The following FMNL3 variants were observed in gnomAD, a reference collection of about 807,000 sequenced individuals.
FMNL3 encodes formin like 3.
A neutral mutation model predicts 119.6 loss-of-function variants in FMNL3; 57 were observed. The observed-to-expected ratio is 0.48, with a 90% CI of 0.39 to 0.59. The LOEUF is 0.59. FMNL3 is among the 20% of genes least tolerant of loss of function. FMNL3 has a pLI of 0.00. For synonymous variants in FMNL3, 491 were observed against 507.3 expected (o/e 0.97, Z 0.43); for missense variants, 1,053 against 1,323.5 (o/e 0.80, Z 3.17).
In FMNL3 at chr12:49,643,965, C is replaced by T. The variant is rs139757720; in HGVS notation, c.*1850G>A. On this transcript the variant is annotated 3_prime_UTR_variant, in exon 26 of 26. Coordinates refer to ENST00000335154, the MANE Select transcript of FMNL3 (RefSeq NM_175736.5). ...ACAGGGAGCTCCAACAGGCAGAGCT[C>T]CCTAACCGTTCCCCAGGCTTTGGAA... 1.7e-3 allele frequency: 2,779 copies of T among 1,614,146 alleles called. 1 individual carries two copies. The highest frequency in any genetic ancestry group is 2.2e-3 in the Non-Finnish European group (2,655 of 1,180,030).
rs1943643112 is a variant in FMNL3, at chr12:49,658,551, C to G, written c.496G>C (p.Asp166His). Residue 166 changes from aspartate to histidine, a missense_variant, in exon 6 of 26, where the codon GAC (aspartate) becomes CAC (histidine). Asp to His is a moderately conservative substitution (Grantham distance 81). Transcript: ENST00000335154. ...GACCTGCTCCAGGACCGGAGTTTGT[C>G]AAATGCACCATCGTCACCACTTTCC... Reference protein sequence around the residue: ...GLESGDDGAFDKLRSWSRSIE... With the variant: ...GLESGDDGAFHKLRSWSRSIE... 1 of 1,613,096 alleles carries G rather than the reference C, an allele frequency of 6.2e-7. No homozygotes were observed. The highest frequency in any genetic ancestry group is 8.5e-7 in the Non-Finnish European group (1 of 1,179,518).
At chr12:49,698,523 C>CA (rs1565899547) in intron 1 of FMNL3, among the ~76,000 whole-genome samples, 29 of 130,772 alleles carry the variant, frequency 2.2e-4, no homozygotes, top group African/African-American at 9.0e-4. Context: ...CTCCCCACCC[C>CA]CAAAAAAAAA....
chr12:49,644,041 G>T lies in FMNL3; in HGVS notation c.*1774C>A. The stretch of plus-strand genomic sequence containing the variant: ...GGGCCCTAGGCCAGTCAGCACGCTG[G>T]TCAAGCTTCCACGGCCCTTAGTGCA... On this transcript the variant is annotated 3_prime_UTR_variant, in exon 26 of 26. Coordinates refer to ENST00000335154, the MANE Select transcript of FMNL3 (RefSeq NM_175736.5). 1 of 1,614,166 alleles carries T rather than the reference G, an allele frequency of 6.2e-7. No homozygotes were observed. The highest frequency in any genetic ancestry group is 8.5e-7 in the Non-Finnish European group (1 of 1,180,002).
At chr12:49,648,067 C>T in intron 22 of FMNL3, 126 bp downstream of exon 22, 1 of 1,247,048 alleles carries the variant, frequency 8.0e-7, no homozygotes, top group Non-Finnish European at 1.1e-6. Context: ...CCAAAGCGCT[C>T]TCTCTCCCCT....
In FMNL3 at chr12:49,668,568, C is replaced by T; in HGVS notation, c.127-14G>A. The T allele has an allele frequency of 1.2e-6, 2 of 1,613,554 alleles. No individual in the cohort carries two copies. Among genetic ancestry groups the T allele is most frequent in the African/African-American group, 2.7e-5 (2 of 75,026 alleles). ...GTTCATGGAGCTCTGAGGAGAGAAC[C>T]TGAGTCAACAAGGCTGAAACCTCCC... On this transcript the variant is annotated splice_polypyrimidine_tract_variant and intron_variant, in intron 1 of 25. Coordinates refer to ENST00000335154, the MANE Select transcript of FMNL3 (RefSeq NM_175736.5).
At position 49,652,102 on chromosome 12, in the gene FMNL3, C is replaced by T. The variant is rs1337700851; in HGVS notation, c.1434G>A (p.Leu478=). 5 of 1,612,902 alleles carry T rather than the reference C, an allele frequency of 3.1e-6. No individual in the cohort carries two copies. Among genetic ancestry groups the T allele is most frequent in the South Asian group, 1.1e-5 (1 of 90,720 alleles). The change falls in exon 14 of 26, where the codon CTG becomes CTA. Residue 478 remains leucine (L), a synonymous_variant. Transcript: ENST00000335154. ...RCHLEPNVRG[L]ESVDSEALAR... ...CCAGGGCCTCACTGTCCACAGACTC[C>T]AGGCCCCGGACATTTGGCTCCAAAT...
Position 49,644,385 on chromosome 12 carries a change from A to G in FMNL3, c.*1430T>C. 1.6e-6 allele frequency: 1 copy of G among 634,168 alleles called. No individual in the cohort carries two copies. Among genetic ancestry groups the G allele is most frequent in the East Asian group, 2.8e-5 (1 of 35,382 alleles). The allele number at this position is 634,168 out of a possible 1,614,324, so 39.3% of individuals were successfully genotyped here. A position where few individuals can be genotyped will look rare whatever the true frequency, so the allele number is the denominator to read the frequency against. On this transcript the variant is annotated 3_prime_UTR_variant, in exon 26 of 26. Coordinates refer to ENST00000335154, the MANE Select transcript of FMNL3 (RefSeq NM_175736.5). ...TCAAGGGTCCCCTACTCCCTGGACT[A>G]GTGCAGTCCTTGCCCTCAGCCCCAG...
At chr12:49,654,417 C>T (rs1943506866) in intron 10 of FMNL3, 115 bp from the exon 11 acceptor site, 1 of 748,578 alleles carries the variant, frequency 1.3e-6, no homozygotes, top group African/African-American at 1.7e-5. Flanking sequence ...TACAGGGAGT[C>T]AATTAAAGAG....
At chr12:49,698,925 C>G (rs1944827516) in intron 1 of FMNL3, among the ~76,000 whole-genome samples, 1 of 152,218 alleles carries the variant, frequency 6.6e-6, no homozygotes, top group East Asian at 1.9e-4. Context: ...AAGTTCTCAC[C>G]TGCTGCTATT....
chr12:49,671,225 A>T (rs1944037735), intron 1 of FMNL3, among the ~76,000 whole-genome samples: 1 of 152,072 alleles, frequency 6.6e-6, no homozygotes. Context: ...GGGCAAAGTC[A>T]CCCCCTTGGG....
In FMNL3 at chr12:49,647,345, G is replaced by T; in HGVS notation, c.2802C>A (p.Ala934=). The part of the protein sequence containing the change: ...SYKEAEQENE[A]RKKQEEVMRE... ...GCATTACCTCCTCCTGCTTCTTGCG[G>T]GCTTCATTCTCTTGTTCTGCTTCCT... The change falls in exon 24 of 26, where the codon GCC becomes GCA. Residue 934 remains alanine (A), a synonymous_variant. Transcript: ENST00000335154. This position sits in a 1 kb window ranked among gnomAD's most constrained non-coding sequence, Gnocchi z 4.9. 6.2e-7 allele frequency: 1 copy of T among 1,613,412 alleles called. No homozygotes were observed.
At chr12:49,703,803 G>T (rs1001806471) in intron 1 of FMNL3, among the ~76,000 whole-genome samples, 1 of 152,106 alleles carries the variant, frequency 6.6e-6, no homozygotes, top group East Asian at 1.9e-4. Context: ...AGAAGGCTGG[G>T]AGCCTGTGGT....
rs766825104 is a variant in FMNL3 at position 49,654,176 on chromosome 12, A to ACCC, written c.1071+13_1071+15dup. 5.6e-6 allele frequency: 9 copies of ACCC among 1,609,374 alleles called. 1 individual carries two copies. The South Asian group carries it at 9.9e-5, about 18-fold the overall frequency. On this transcript the variant is annotated intron_variant, in intron 11 of 25. Transcript: ENST00000335154. The stretch of plus-strand genomic sequence containing the variant: ...TCCCAAAGCACCTCACCTTACAAGG[A>ACCC]CCCCAGCCAGCTCACCTGCAGGAAC...
chr12:49,672,708 G>A (rs1267810992), intron 1 of FMNL3, among the ~76,000 whole-genome samples: 1 of 152,204 alleles, frequency 6.6e-6, no homozygotes, highest in Non-Finnish European at 1.5e-5. Context: ...AGCCCAGTGA[G>A]CCCCTCCTCA....
chr12:49,651,319 CA>C (rs752446252), intron 15 of FMNL3, 27 bp from the exon 16 acceptor site: 1 of 1,607,816 alleles, frequency 6.2e-7, no homozygotes, highest in Non-Finnish European at 8.5e-7. Flanking sequence ...ATCAGTGACA[CA>C]GGGGCCAAGG....
In FMNL3 at chr12:49,643,973, G is replaced by A. The variant is rs373535929; in HGVS notation, c.*1842C>T. 105 of 1,614,186 alleles carry A rather than the reference G, an allele frequency of 6.5e-5. 1 individual carries two copies. The South Asian group carries it at 9.9e-4, about 15-fold the overall frequency. On this transcript the variant is annotated 3_prime_UTR_variant, in exon 26 of 26. Transcript: ENST00000335154. ...CTCCAACAGGCAGAGCTCCCTAACC[G>A]TTCCCCAGGCTTTGGAATCAAGAAG...
Position 49,645,794 on chromosome 12 carries a change from GCTT to G in FMNL3, c.*18_*20del. 6.3e-7 allele frequency: 1 copy of G among 1,590,368 alleles called. No individual in the cohort carries two copies. The highest frequency in any genetic ancestry group is 8.5e-7 in the Non-Finnish European group (1 of 1,169,774). The stretch of plus-strand genomic sequence containing the variant: ...CTTGTAGGACTCTGAGGGGTGAAGT[GCTT>G]CTGCCTCCGAGAGGGTCTCAGTGGG... On this transcript the variant is annotated 3_prime_UTR_variant, in exon 26 of 26. Coordinates refer to ENST00000335154, the MANE Select transcript of FMNL3 (RefSeq NM_175736.5).
chr12:49,658,812 C>T (rs1372393274), intron 5 of FMNL3, among the ~76,000 whole-genome samples: 2 of 152,058 alleles, frequency 1.3e-5, no homozygotes, highest in Admixed American at 6.6e-5. Context: ...CAGGCAGCAA[C>T]AAGGAGGGCA....
In FMNL3 at chr12:49,641,908, G is replaced by T. The variant is rs772898724; in HGVS notation, c.*3907C>A. ...GCTTCATGCACTGCTGTACCCACAG[G>T]ACCGGGGCTTCTGCGTGGAGGTGAA... On this transcript the variant is annotated 3_prime_UTR_variant, in exon 26 of 26. Coordinates refer to ENST00000335154, the MANE Select transcript of FMNL3 (RefSeq NM_175736.5). 5.0e-6 allele frequency: 8 copies of T among 1,612,868 alleles called. No homozygotes were observed. The highest frequency in any genetic ancestry group is 6.8e-6 in the Non-Finnish European group (8 of 1,179,946).
Sources: allele counts gnomAD v4.1 joint callset (sites outside exome capture counted in the v4.1 genomes callset), GRCh38; gene constraint gnomAD v4.1.1; non-coding constraint Gnocchi (gnomAD v3.1); transcripts MANE v1.5; gene names NCBI Gene and HGNC (gene_info 2026-07-23, HGNC 2026-07-21).